Variants in NPHP4 observed in about 807,000 individuals in gnomAD.
NPHP4 encodes nephrocystin 4, also known as nephrocystin-4.
NPHP4 carries 151 observed loss-of-function variants against 155.8 expected under a neutral mutation model. The observed-to-expected ratio is 0.97, with a 90% CI of 0.85 to 1.11. NPHP4 has a LOEUF of 1.11. NPHP4 is among the 50% of genes least tolerant of loss of function. The pLI, the probability that NPHP4 is intolerant of heterozygous loss-of-function variation, is 0.00. For missense variants in NPHP4, 1,956 were observed against 1,925.7 expected (o/e 1.02, Z -0.29); for synonymous variants, 845 against 816.8 (o/e 1.03, Z -0.59).
chr1:5,983,068 T>A (rs909064726), intron 2 of NPHP4, among the ~76,000 whole-genome samples: 1 of 152,176 alleles, frequency 6.6e-6, no homozygotes, highest in African/African-American at 2.4e-5. Flanking sequence ...CTAGCTTTCT[T>A]GGGAGTAGCG....
At position 5,863,402 on chromosome 1, in the gene NPHP4, C is replaced by G; in HGVS notation, c.4144G>C (p.Gly1382Arg). 1 of 1,612,606 alleles carries G rather than the reference C, an allele frequency of 6.2e-7. No individual in the cohort carries two copies. Among genetic ancestry groups the G allele is most frequent in the Non-Finnish European group, 8.5e-7 (1 of 1,178,774 alleles). Residue 1382 changes from glycine to arginine, a missense_variant, in exon 30 of 30, where the codon GGG becomes CGG. Physicochemically the swap from Gly to Arg is moderately radical, Grantham distance 125. Coordinates refer to ENST00000378156, the MANE Select transcript of NPHP4 (RefSeq NM_015102.5). The stretch of plus-strand genomic sequence containing the variant: ...CCGATGGTGTAGGTCTCTCCACCCC[C>G]GACCTGGAAATAAGCATCCAAATCC... The part of the protein sequence containing the change: ...LRFREDSFQV[G>R]GGETYTIGLQ...
At position 5,890,224 on chromosome 1, in the gene NPHP4, G is replaced by A. The variant is rs950428712; in HGVS notation, c.2304+644C>T. ...TGACGCCACATCCTCTCCCAGCTCC[G>A]TCCCGTGGCCTGAGAGAAGTCTCAG... On this transcript the variant is annotated intron_variant, in intron 17 of 29. Transcript: ENST00000378156. The surrounding 1 kb of genome is among the most constrained non-coding windows in gnomAD (Gnocchi z 4.9). Among the ~76,000 whole-genome samples, 1 of 152,108 alleles carries A rather than the reference G, an allele frequency of 6.6e-6. No homozygotes were observed. Among genetic ancestry groups the A allele is most frequent in the Non-Finnish European group, 1.5e-5 (1 of 68,010 alleles).
chr1:5,876,996 G>A (rs1642672006), intron 20 of NPHP4, 97 bp downstream of exon 20: 4 of 848,792 alleles, frequency 4.7e-6, no homozygotes, highest in Non-Finnish European at 6.4e-6. Flanking sequence ...TTGGGAGGAA[G>A]GTAAGAGAGA....
At chr1:5,985,515 C>G (rs979778170) in intron 2 of NPHP4, among the ~76,000 whole-genome samples, 1 of 152,266 alleles carries the variant, frequency 6.6e-6, no homozygotes, top group Non-Finnish European at 1.5e-5. Flanking sequence ...TCCTCACTGC[C>G]AGGCTGAAAG....
At chr1:5,895,928 G>A (rs1455440852) in intron 16 of NPHP4, among the ~76,000 whole-genome samples, 2 of 151,920 alleles carry the variant, frequency 1.3e-5, no homozygotes, top group Non-Finnish European at 2.9e-5. Context: ...CACAGGTGAC[G>A]TCTGTGCAGC....
chr1:5,874,700 G>C, intron 21 of NPHP4, 43 bp from the exon 22 acceptor site: 1 of 1,597,416 alleles, frequency 6.3e-7, no homozygotes, highest in Non-Finnish European at 8.5e-7. Context: ...TTCTTCCCAG[G>C]AGGACCCACA....
At chr1:5,937,668 A>T (rs1271760514) in intron 9 of NPHP4, among the ~76,000 whole-genome samples, 1 of 152,076 alleles carries the variant, frequency 6.6e-6, no homozygotes, top group Non-Finnish European at 1.5e-5. Flanking sequence ...CCACTGTCTC[A>T]AGGCCTTATC....
At chr1:5,953,057 A>T (rs1413837411) in intron 6 of NPHP4, among the ~76,000 whole-genome samples, 1 of 152,008 alleles carries the variant, frequency 6.6e-6, no homozygotes, top group Non-Finnish European at 1.5e-5. Context: ...CTCCTCCAGG[A>T]ACAGTTTTTC....
chr1:5,897,368 G>T (rs1005086736), intron 16 of NPHP4, among the ~76,000 whole-genome samples: 6 of 152,110 alleles, frequency 3.9e-5, no homozygotes, highest in African/African-American at 1.4e-4. Flanking sequence ...GAGAAACCTG[G>T]GGGTGGGCAC....
chr1:5,874,954 G>A lies in NPHP4; in HGVS notation c.2964C>T (p.Ala988=), dbSNP rs373285520. 109 of 1,613,360 alleles carry A rather than the reference G, an allele frequency of 6.8e-5. No individual in the cohort carries two copies. The highest frequency in any genetic ancestry group is 7.8e-5 in the Non-Finnish European group (92 of 1,179,890). ...TCTTAAGCACAAACTCAAAGAACTCGGCGACCCCCAGCGTGGCGTGGAGCG... is the reference window on the plus strand; with the variant it reads ...TCTTAAGCACAAACTCAAAGAACTCAGCGACCCCCAGCGTGGCGTGGAGCG... ...EHTLHATLGV[A]EFFEFVLKNP... The change falls in exon 21 of 30, where the codon GCC becomes GCT. Residue 988 remains alanine, a synonymous_variant. Coordinates refer to ENST00000378156, the MANE Select transcript of NPHP4 (RefSeq NM_015102.5).
At chr1:5,960,285 C>A (rs1650053682) in intron 6 of NPHP4, among the ~76,000 whole-genome samples, 1 of 152,142 alleles carries the variant, frequency 6.6e-6, no homozygotes, top group Admixed American at 6.5e-5. Flanking sequence ...TCATTTCTCA[C>A]CCTCTCCTCC....
At chr1:5,903,408 G>A (rs1218870062) in intron 16 of NPHP4, among the ~76,000 whole-genome samples, 1 of 152,122 alleles carries the variant, frequency 6.6e-6, no homozygotes, top group Non-Finnish European at 1.5e-5. Flanking sequence ...TTCATTTGAG[G>A]TCAGCATTTT....
intron 19 of NPHP4, 142 bp downstream of exon 19, chr1:5,879,972 G>T: frequency 1.0e-6 from 1 of 986,888 alleles, no homozygotes; most frequent in Non-Finnish European, 1.5e-6. Context: ...CGTCCTAGAC[G>T]CAGAGGGGCA....
Position 5,864,035 on chromosome 1 carries a change from T to C in NPHP4, c.3997-2A>G. 1 of 1,612,822 alleles carries C rather than the reference T, an allele frequency of 6.2e-7. No individual in the cohort carries two copies. The highest frequency in any genetic ancestry group is 8.5e-7 in the Non-Finnish European group (1 of 1,179,490). On this transcript the variant is annotated splice_acceptor_variant, in intron 28 of 29. Coordinates refer to ENST00000378156, the MANE Select transcript of NPHP4 (RefSeq NM_015102.5). LOFTEE classifies it high-confidence loss of function. ...CGCAGCCAACATGATCTCAAAGGCC[T>C]GTGGAGGGAGGGGACAGGGAGACGC... is the stretch of plus-strand genomic sequence containing the variant.
At chr1:5,895,838 A>C (rs1439142647) in intron 16 of NPHP4, among the ~76,000 whole-genome samples, 2 of 152,264 alleles carry the variant, frequency 1.3e-5, no homozygotes, top group African/African-American at 4.8e-5. Flanking sequence ...CCCACAGAGC[A>C]TGATGCGGCT....
chr1:5,979,796 A>T (rs1348652085), intron 2 of NPHP4, among the ~76,000 whole-genome samples: 1 of 151,966 alleles, frequency 6.6e-6, no homozygotes, highest in Admixed American at 6.6e-5. Flanking sequence ...TTACAGGGGT[A>T]AGCCACCATG....
chr1:5,991,403 A>C (rs972025189), intron 1 of NPHP4: 1 of 152,264 alleles, frequency 6.6e-6, no homozygotes, highest in Admixed American at 6.5e-5. Context: ...GGCGCTGCCC[A>C]CCATCAACAG....
chr1:5,893,943 C>G (rs1644267293), intron 16 of NPHP4, among the ~76,000 whole-genome samples: 1 of 152,208 alleles, frequency 6.6e-6, no homozygotes, highest in Non-Finnish European at 1.5e-5. Flanking sequence ...CCCCTCAGCT[C>G]CTATCTCTGT....
Position 5,947,121 on chromosome 1 carries a change from C to T in NPHP4, c.1102G>A (p.Ala368Thr). 1.2e-6 allele frequency: 2 copies of T among 1,614,040 alleles called. No individual in the cohort carries two copies. Among genetic ancestry groups the T allele is most frequent in the Non-Finnish European group, 1.7e-6 (2 of 1,179,888 alleles). The stretch of plus-strand genomic sequence containing the variant: ...GTTCTTACATTGCCGTCCACTCCTG[C>T]AGGGCTGCTGAACACGTACTCCAGC... ...FQLEYVFSSP[A>T]GVDGNAASVT... Residue 368 changes from alanine (A) to threonine (T), a missense_variant, in exon 9 of 30, where the codon GCA (alanine) becomes ACA (threonine). Ala to Thr is a moderately conservative substitution (Grantham distance 58). Coordinates refer to ENST00000378156, the MANE Select transcript of NPHP4 (RefSeq NM_015102.5).
Sources: gnomAD v4.1 joint callset for allele counts (sites outside exome capture counted in the v4.1 genomes callset) on GRCh38, gnomAD v4.1.1 for gene constraint, Gnocchi (gnomAD v3.1) non-coding constraint, MANE v1.5 for transcripts, NCBI Gene and HGNC (gene_info 2026-07-23, HGNC 2026-07-21) for gene names.